AGTPBP1: variants seen among roughly 807,000 people sequenced by gnomAD.
AGTPBP1 encodes the protein ATP/GTP binding carboxypeptidase 1, also known as cytosolic carboxypeptidase 1.
In AGTPBP1, 70 loss-of-function variants were observed where a neutral mutation model predicts 143.9. The observed-to-expected ratio is 0.49, with a 90% CI of 0.40 to 0.59. The LOEUF (loss-of-function observed/expected upper bound fraction) is 0.59. Ranked by LOEUF, AGTPBP1 falls within the 20% of genes least tolerant of loss-of-function variation. The pLI is 0.00. For synonymous variants in AGTPBP1, 463 were observed against 500.2 expected, an observed-to-expected ratio of 0.93 and a Z score of 0.99; for missense variants, 1,229 against 1,464.5, an observed-to-expected ratio of 0.84 and a Z score of 2.62.
rs117965851 is a variant in AGTPBP1, at chr9:85,610,215, T to C, written c.2335+8768A>G. ...GAGAGAAACAAAGATGGAGAGAAAG[T>C]GAAAGAGAAGCTTGGTACTGAAGCT... On this transcript the variant is annotated intron_variant, in intron 17 of 25. Transcript: ENST00000357081. Among the ~76,000 whole-genome samples the C allele has an allele frequency of 9.0e-3, 1,371 of 152,128 alleles. 15 individuals are homozygous for C. Among genetic ancestry groups the C allele is most frequent in the African/African-American group, 0.024 (997 of 41,482 alleles).
At chr9:85,653,544 T>C (rs1424588921) in intron 11 of AGTPBP1, among the ~76,000 whole-genome samples, 1 of 152,190 alleles carries the variant, frequency 6.6e-6, no homozygotes, top group Non-Finnish European at 1.5e-5. Context: ...TTCCTGGTGT[T>C]ACTACTGGCC....
chr9:85,650,437 T>C (rs1215392615), intron 11 of AGTPBP1, among the ~76,000 whole-genome samples: 4 of 152,174 alleles, frequency 2.6e-5, no homozygotes, highest in Non-Finnish European at 1.5e-5. Context: ...AGTAAATATG[T>C]TTTCTCTTCC....
intron 25 of AGTPBP1, among the ~76,000 whole-genome samples, chr9:85,572,014 T>TTTTTTTTG (rs1827519898): frequency 5.7e-5 from 1 of 17,498 alleles, no homozygotes; most frequent in African/African-American, 7.4e-4. Flanking sequence ...GTTTTTTTTT[T>TTTTTTTTG]TTTTTTTTTT....
At chr9:85,620,846 G>C (rs998753505) in intron 15 of AGTPBP1, among the ~76,000 whole-genome samples, 4 of 152,150 alleles carry the variant, frequency 2.6e-5, no homozygotes, top group Non-Finnish European at 5.9e-5. Context: ...GCTCAGTATT[G>C]CAAGACAAGC....
intron 11 of AGTPBP1, among the ~76,000 whole-genome samples, chr9:85,652,357 T>A (rs1261352021): frequency 6.6e-6 from 1 of 151,666 alleles, no homozygotes; most frequent in Non-Finnish European, 1.5e-5. Context: ...AAAAAATACA[T>A]AAAAATTAGC....
Position 85,668,967 on chromosome 9 carries a change from A to ATGTG in AGTPBP1, c.662+514_662+517dup, listed in dbSNP as rs539493558. Among the ~76,000 whole-genome samples, 443 of 114,392 alleles carry ATGTG rather than the reference A, an allele frequency of 3.9e-3. 3 individuals are homozygous for ATGTG. Among genetic ancestry groups the ATGTG allele is most frequent in the Non-Finnish European group, 5.6e-3 (295 of 53,148 alleles). 75.0% of individuals were successfully genotyped at this position (114,392 alleles called of 152,430 possible). A position where few individuals can be genotyped will look rare whatever the true frequency, so the allele number is the denominator to read the frequency against. On this transcript the variant is annotated intron_variant, in intron 8 of 25. Coordinates refer to ENST00000357081, the MANE Select transcript of AGTPBP1 (RefSeq NM_001330701.2). ...TGAATAAAAATACATACATACATACATGTGTGTGTGTGTGTGTGTGTGTGT... is the reference window on the plus strand; with the variant it reads ...TGAATAAAAATACATACATACATACATGTGTGTGTGTGTGTGTGTGTGTGTGTGT...
chr9:85,712,724 G>A (rs749417204), intron 1 of AGTPBP1, among the ~76,000 whole-genome samples, 158 bp from the exon 2 acceptor site: 7 of 152,180 alleles, frequency 4.6e-5, no homozygotes, highest in Non-Finnish European at 1.0e-4. Flanking sequence ...CTTCTACTGG[G>A]TCGCTTCAGA....
intron 14 of AGTPBP1, among the ~76,000 whole-genome samples, chr9:85,629,832 T>A (rs1038364335): frequency 7.2e-5 from 11 of 152,146 alleles, no homozygotes; most frequent in African/African-American, 2.7e-4. Flanking sequence ...AATAAGTGTC[T>A]TGACCGATGA....
upstream of AGTPBP1, chr9:85,741,963 C>G: frequency 1.6e-6 from 2 of 1,254,526 alleles, no homozygotes; most frequent in Non-Finnish European, 2.0e-6. Context: ...CTGTCCGCAT[C>G]CCGGGCAACG....
chr9:85,627,912 C>T (rs1013999814), intron 14 of AGTPBP1, among the ~76,000 whole-genome samples: 3 of 152,076 alleles, frequency 2.0e-5, no homozygotes, highest in African/African-American at 4.8e-5. Flanking sequence ...GTAAGGCTTC[C>T]GGCCAACAGT....
At chr9:85,663,122 G>C (rs1270589676) in intron 8 of AGTPBP1, among the ~76,000 whole-genome samples, 4 of 152,176 alleles carry the variant, frequency 2.6e-5, no homozygotes, top group Non-Finnish European at 5.9e-5. Context: ...GGCAGACCAA[G>C]TCGGTTAGAG....
intron 25 of AGTPBP1, among the ~76,000 whole-genome samples, chr9:85,561,552 C>G (rs1826726383): frequency 1.3e-5 from 2 of 151,992 alleles, no homozygotes; most frequent in South Asian, 4.2e-4. Context: ...AAATATCCCT[C>G]AACAAGTAAA....
At chr9:85,555,921 T>C (rs762068803) in intron 25 of AGTPBP1, among the ~76,000 whole-genome samples, 11 of 152,292 alleles carry the variant, frequency 7.2e-5, no homozygotes, top group Middle Eastern at 3.4e-3. Context: ...AAAACATTAA[T>C]AATGTGTAAT....
chr9:85,574,412 T>C (rs563589312), intron 25 of AGTPBP1, among the ~76,000 whole-genome samples: 2 of 150,756 alleles, frequency 1.3e-5, no homozygotes, highest in Non-Finnish European at 2.9e-5. Flanking sequence ...CCCTCCACTA[T>C]TGTCCTATGA....
At chr9:85,753,494 C>T in the AGTPBP1 span, 5 of 1,573,848 alleles carry the variant, frequency 3.2e-6, no homozygotes, top group Admixed American at 1.8e-5. Context: ...AAACTCACAC[C>T]TGTAATCCTA....
intron 14 of AGTPBP1, among the ~76,000 whole-genome samples, chr9:85,621,805 C>T (rs886158055): frequency 2.0e-5 from 3 of 152,144 alleles, no homozygotes; most frequent in Non-Finnish European, 4.4e-5. Context: ...AAGGGAAACA[C>T]CTGTTTGAGG....
chr9:85,753,296 T>C, the AGTPBP1 span: 1 of 1,613,604 alleles, frequency 6.2e-7, no homozygotes. Context: ...TTCAATTTCT[T>C]TTTCTATAGG....
At chr9:85,671,471 C>T (rs564750934) in intron 7 of AGTPBP1, among the ~76,000 whole-genome samples, 1 of 152,170 alleles carries the variant, frequency 6.6e-6, no homozygotes, top group South Asian at 2.1e-4. Context: ...CCACAGAGCA[C>T]ACCTTTAGCC....
At chr9:85,805,381 C>G in the AGTPBP1 span, 2 of 152,332 alleles carry the variant, frequency 1.3e-5, no homozygotes, top group Non-Finnish European at 2.9e-5. Context: ...CCTGCAGCCG[C>G]GCTCACCGCC....
Sources: allele counts gnomAD v4.1 joint callset (sites outside exome capture counted in the v4.1 genomes callset), GRCh38; gene constraint gnomAD v4.1.1; transcripts MANE v1.5; gene names NCBI Gene and HGNC (gene_info 2026-07-23, HGNC 2026-07-21).